The following CHMP4B variants were observed in gnomAD, a reference collection of about 807,000 sequenced individuals.
CHMP4B encodes the protein SNF7 homolog associated with Alix 1.
Under a neutral mutation model 25.1 loss-of-function variants are expected in CHMP4B, and 1 was observed. That is an observed-to-expected ratio of 0.04 (90% CI 0.01 to 0.19). The LOEUF is 0.19. CHMP4B is among the 10% of genes least tolerant of loss of function. The probability of loss-of-function intolerance (pLI) is 1.00; values close to 1 mark genes in which losing one functional copy is unlikely to be tolerated. For missense variants in CHMP4B, 151 were observed against 289.7 expected (o/e 0.52, Z 3.48); for synonymous variants, 101 against 115.6 (o/e 0.87, Z 0.81).
intron 1 of CHMP4B, among the ~76,000 whole-genome samples, chr20:33,836,148 A>G (rs1979386720): frequency 6.6e-6 from 1 of 152,132 alleles, no homozygotes; most frequent in African/African-American, 2.4e-5. Context: ...TAATTTTGAC[A>G]TCTGTGTTAG....
chr20:33,819,623 A>T (rs1292349724), intron 1 of CHMP4B, among the ~76,000 whole-genome samples: 1 of 152,176 alleles, frequency 6.6e-6, no homozygotes, highest in Non-Finnish European at 1.5e-5. Flanking sequence ...GGAAAGCTAT[A>T]CATCCCTCTG....
chr20:33,848,389 T>G, intron 1 of CHMP4B, 78 bp from the exon 2 acceptor site: 1 of 1,438,170 alleles, frequency 7.0e-7, no homozygotes, highest in Non-Finnish European at 9.7e-7. Flanking sequence ...TCCAGTAGAG[T>G]TGGGGAAAAG....
rs533417725 is a variant in CHMP4B, at chr20:33,831,527, G to A, written c.191-16940G>A. ...TTACAGGTGTTAGCCACCGTGCCTG[G>A]CTGCCCAGCTAAGTTTTAAAAATTT... On this transcript the variant is annotated intron_variant, in intron 1 of 4. Coordinates refer to ENST00000217402, the MANE Select transcript of CHMP4B (RefSeq NM_176812.5). 2.0e-5 allele frequency among the ~76,000 whole-genome samples: 3 copies of A among 152,158 alleles called. No individual in the cohort carries two copies. The East Asian group carries it at 5.8e-4, about 30-fold the overall frequency.
At chr20:33,842,366 T>TG (rs1277871738) in intron 1 of CHMP4B, among the ~76,000 whole-genome samples, 1 of 152,176 alleles carries the variant, frequency 6.6e-6, no homozygotes, top group Non-Finnish European at 1.5e-5. Context: ...AGATCACAGA[T>TG]GACACCCCCA....
intron 1 of CHMP4B, among the ~76,000 whole-genome samples, chr20:33,820,922 T>C (rs1179293512): frequency 6.6e-6 from 1 of 152,232 alleles, no homozygotes; most frequent in Admixed American, 6.5e-5. Context: ...GGTCATAAAA[T>C]AATTAGCTTT....
rs148742522 is a variant in CHMP4B at position 33,825,813 on chromosome 20, G to A, written c.190+14155G>A. Among the ~76,000 whole-genome samples the A allele has an allele frequency of 8.8e-4, 134 of 152,268 alleles. 1 individual carries two copies. The highest frequency in any genetic ancestry group is 3.0e-3 in the African/African-American group (124 of 41,552). ...CTGAGCTTCTCTGACAAGAACCATT[G>A]TTCTTATTTCAGAGGTAAGAGGCAG... is the stretch of plus-strand genomic sequence containing the variant. On this transcript the variant is annotated intron_variant, in intron 1 of 4. Coordinates refer to ENST00000217402, the MANE Select transcript of CHMP4B (RefSeq NM_176812.5).
intron 1 of CHMP4B, among the ~76,000 whole-genome samples, chr20:33,819,440 C>T (rs1978873655): frequency 1.3e-5 from 2 of 152,044 alleles, no homozygotes; most frequent in South Asian, 4.2e-4. Context: ...TCTAGGAACC[C>T]CTAAAGTTTG....
intron 1 of CHMP4B, among the ~76,000 whole-genome samples, chr20:33,840,170 C>T (rs758720823): frequency 4.0e-5 from 6 of 151,058 alleles, no homozygotes; most frequent in Admixed American, 2.6e-4. Flanking sequence ...TACTTGAACC[C>T]GGGAGGCAGA....
chr20:33,837,447 A>T (rs1270612319), intron 1 of CHMP4B, among the ~76,000 whole-genome samples: 1 of 152,064 alleles, frequency 6.6e-6, no homozygotes, highest in East Asian at 1.9e-4. Context: ...TAGGAAAAAA[A>T]AAAACCTCAA....
chr20:33,815,992 A>G (rs142957500), intron 1 of CHMP4B, among the ~76,000 whole-genome samples: 41 of 152,334 alleles, frequency 2.7e-4, no homozygotes, highest in African/African-American at 9.1e-4. Context: ...TGTAGATGCT[A>G]TCTTTGAGGC....
chr20:33,830,933 G>GTGTTTTTTTTTTTTT (rs1979222694), intron 1 of CHMP4B, among the ~76,000 whole-genome samples: 4 of 102,522 alleles, frequency 3.9e-5, no homozygotes, highest in Non-Finnish European at 5.6e-5. Flanking sequence ...AAGGAACAGA[G>GTGTTTTTTTTTTTTT]TTTTTTTTTT....
chr20:33,821,752 A>G (rs2122785925), intron 1 of CHMP4B, among the ~76,000 whole-genome samples: 1 of 152,290 alleles, frequency 6.6e-6, no homozygotes, highest in South Asian at 2.1e-4. Flanking sequence ...GCGAGACCCT[A>G]TCTCTATTTT....
chr20:33,824,487 T>C (rs1009751021), intron 1 of CHMP4B, among the ~76,000 whole-genome samples: 7 of 152,218 alleles, frequency 4.6e-5, no homozygotes, highest in African/African-American at 1.7e-4. Context: ...GTGGGACTAG[T>C]GCCAAGGAGA....
intron 1 of CHMP4B, among the ~76,000 whole-genome samples, chr20:33,830,933 G>GTTTTTTTTTTTGTT (rs1775178586): frequency 2.0e-5 from 2 of 102,524 alleles, no homozygotes; most frequent in Non-Finnish European, 3.7e-5. Context: ...AAGGAACAGA[G>GTTTTTTTTTTTGTT]TTTTTTTTTT....
At chr20:33,822,881 A>T (rs1038535068) in intron 1 of CHMP4B, among the ~76,000 whole-genome samples, 1 of 151,580 alleles carries the variant, frequency 6.6e-6, no homozygotes, top group Non-Finnish European at 1.5e-5. Context: ...TGCAAGCTCC[A>T]CCTCCTGGGT....
At chr20:33,835,875 T>C (rs1979379078) in intron 1 of CHMP4B, among the ~76,000 whole-genome samples, 1 of 152,160 alleles carries the variant, frequency 6.6e-6, no homozygotes, top group Non-Finnish European at 1.5e-5. Context: ...GGTGCCAGGC[T>C]CTTTTTAACA....
intron 1 of CHMP4B, among the ~76,000 whole-genome samples, chr20:33,833,046 C>T (rs544129387): frequency 1.3e-5 from 2 of 152,068 alleles, no homozygotes; most frequent in South Asian, 4.2e-4. Context: ...GCTTTGGCCT[C>T]CCAAAGTGCT....
intron 1 of CHMP4B, among the ~76,000 whole-genome samples, chr20:33,813,845 G>GC (rs759507716): frequency 4.6e-5 from 7 of 152,238 alleles, no homozygotes; most frequent in Middle Eastern, 6.8e-3. Context: ...TGATTCTCCT[G>GC]CGTCAGCCTC....
At chr20:33,821,647 G>A (rs1978944349) in intron 1 of CHMP4B, among the ~76,000 whole-genome samples, 1 of 152,008 alleles carries the variant, frequency 6.6e-6, no homozygotes, top group Non-Finnish European at 1.5e-5. Flanking sequence ...GATTAGGCTG[G>A]GTATGGTGAC....
Sources: allele counts gnomAD v4.1 joint callset (sites outside exome capture counted in the v4.1 genomes callset), GRCh38; gene constraint gnomAD v4.1.1; transcripts MANE v1.5; gene names NCBI Gene and HGNC (gene_info 2026-07-23, HGNC 2026-07-21).